The following GALNT18 variants were observed in gnomAD, a reference collection of about 807,000 sequenced individuals.
GALNT18 encodes the protein polypeptide N-acetylgalactosaminyltransferase 18.
GALNT18 carries 44 observed loss-of-function variants against 69.5 expected under a neutral mutation model. The ratio of observed to expected loss-of-function variants is 0.63; its 90% confidence interval spans 0.50 to 0.81. GALNT18 has a LOEUF of 0.81. Ranked by LOEUF, GALNT18 falls within the 40% of genes least tolerant of loss-of-function variation. The probability of loss-of-function intolerance (pLI) is 0.00; values close to 1 mark genes in which losing one functional copy is unlikely to be tolerated. For synonymous variants in GALNT18, 364 were observed against 318.2 expected, an observed-to-expected ratio of 1.14 and a Z score of -1.53; for missense variants, 715 against 810.0, an observed-to-expected ratio of 0.88 and a Z score of 1.42.
intron 1 of GALNT18, among the ~76,000 whole-genome samples, chr11:11,525,717 C>T (rs1221468338): frequency 6.7e-6 from 1 of 150,250 alleles, no homozygotes; most frequent in Admixed American, 6.7e-5. Context: ...TCACCACAAC[C>T]TCCACCTGCT....
rs989861430 is a variant in GALNT18 at position 11,314,987 on chromosome 11, A to T, written c.1512+12099T>A. 1.3e-5 allele frequency among the ~76,000 whole-genome samples: 2 copies of T among 152,110 alleles called. No homozygotes were observed. The highest frequency in any genetic ancestry group is 4.8e-5 in the African/African-American group (2 of 41,420). On this transcript the variant is annotated intron_variant, in intron 9 of 10. Transcript: ENST00000227756. The surrounding 1 kb of genome is among the most constrained non-coding windows in gnomAD (Gnocchi z 5.2). The stretch of plus-strand genomic sequence containing the variant: ...GCTGGCAAGGTGGTTTTAAGATTAC[A>T]TCAACTGACATACTGAAAGTGTCTA...
intron 9 of GALNT18, among the ~76,000 whole-genome samples, chr11:11,325,214 A>G (rs1332476416): frequency 2.0e-5 from 3 of 152,258 alleles, no homozygotes; most frequent in Non-Finnish European, 4.4e-5. Context: ...AGTAACTTGG[A>G]TGAAGCTGGA....
rs867254002 is a variant in GALNT18 at position 11,398,184 on chromosome 11, G to C, written c.596-18920C>G. On this transcript the variant is annotated intron_variant, in intron 3 of 10. Transcript: ENST00000227756. ...ATTGCACACTTAATAAGTAGCAGAG[G>C]CTTGATTCAAATCTGTATATGTCTT... Among the ~76,000 whole-genome samples, 7 of 152,296 alleles carry C rather than the reference G, an allele frequency of 4.6e-5. No individual in the cohort carries two copies. The South Asian group carries it at 1.2e-3, about 27-fold the overall frequency.
chr11:11,289,432 C>T (rs1014086022), intron 10 of GALNT18, among the ~76,000 whole-genome samples: 4 of 152,200 alleles, frequency 2.6e-5, no homozygotes, highest in Non-Finnish European at 4.4e-5. Flanking sequence ...GAGCCTTGTG[C>T]CACAGATGCC....
Position 11,540,015 on chromosome 11 carries a change from C to G in GALNT18, c.235+81344G>C, listed in dbSNP as rs946214244. Among the ~76,000 whole-genome samples, 2 of 152,222 alleles carry G rather than the reference C, an allele frequency of 1.3e-5. No individual in the cohort carries two copies. Among genetic ancestry groups the G allele is most frequent in the African/African-American group, 2.4e-5 (1 of 41,452 alleles). The stretch of plus-strand genomic sequence containing the variant: ...GGAAATGAGGGGAGACGGAGCTGCA[C>G]AGGGGACCCCGATGCCAGTCCGGCA... On this transcript the variant is annotated intron_variant, in intron 1 of 10. Coordinates refer to ENST00000227756, the MANE Select transcript of GALNT18 (RefSeq NM_198516.3). The surrounding 1 kb of genome is among the most constrained non-coding windows in gnomAD (Gnocchi z 4.6).
chr11:11,321,093 C>A (rs567959894), intron 9 of GALNT18, among the ~76,000 whole-genome samples: 1 of 152,310 alleles, frequency 6.6e-6, no homozygotes, highest in Middle Eastern at 3.4e-3. Flanking sequence ...TCCCAGCATT[C>A]CTGGCAAGCA....
rs1184907319 is a variant in GALNT18, at chr11:11,538,971, G to A, written c.235+82388C>T. On this transcript the variant is annotated intron_variant, in intron 1 of 10. Transcript: ENST00000227756. The surrounding 1 kb of genome is among the most constrained non-coding windows in gnomAD (Gnocchi z 5.2). ...GGCCTCCCTTTTCACTCAGTCCCAG[G>A]ATGTGGGCATATCCAGAGCAGGGAC... 3.9e-5 allele frequency among the ~76,000 whole-genome samples: 6 copies of A among 152,194 alleles called. No homozygotes were observed. The East Asian group carries it at 1.2e-3, about 29-fold the overall frequency.
At chr11:11,551,085 CAAAA>C (rs36037822) in intron 1 of GALNT18, among the ~76,000 whole-genome samples, 14 of 117,520 alleles carry the variant, frequency 1.2e-4, no homozygotes, top group Non-Finnish European at 1.7e-4. Context: ...TATACGGTAC[CAAAA>C]AAAAAAAAAA....
At chr11:11,409,992 C>T (rs1417779559) in intron 3 of GALNT18, among the ~76,000 whole-genome samples, 1 of 152,222 alleles carries the variant, frequency 6.6e-6, no homozygotes, top group South Asian at 2.1e-4. Context: ...TTACGCCCTG[C>T]AGCACTATCA....
intron 5 of GALNT18, among the ~76,000 whole-genome samples, chr11:11,374,526 G>A (rs560219851): frequency 4.6e-5 from 7 of 152,306 alleles, no homozygotes; most frequent in Admixed American, 2.6e-4. Context: ...GGCAGGGCAC[G>A]CTGGAAAAAT....
chr11:11,448,690 AC>A, intron 2 of GALNT18, 53 bp downstream of exon 2: 1 of 1,474,484 alleles, frequency 6.8e-7, no homozygotes, highest in Admixed American at 1.9e-5. Flanking sequence ...CACTCTGGGG[AC>A]CCCATCTCCC....
chr11:11,446,419 C>T (rs1444044234), intron 2 of GALNT18, among the ~76,000 whole-genome samples: 2 of 152,114 alleles, frequency 1.3e-5, no homozygotes, highest in Non-Finnish European at 2.9e-5. Context: ...GTCCATGGCT[C>T]TTCTTCTGGC....
In GALNT18 at chr11:11,496,880, G is replaced by A. The variant is rs900394470; in HGVS notation, c.236-47944C>T. On this transcript the variant is annotated intron_variant, in intron 1 of 10. Coordinates refer to ENST00000227756, the MANE Select transcript of GALNT18 (RefSeq NM_198516.3). The surrounding 1 kb of genome is among the most constrained non-coding windows in gnomAD (Gnocchi z 4.0). ...CCACCCATCAACCACAGTAACCAGA[G>A]TGAACTTCTAGAAACACAAATCAGA... 6.6e-6 allele frequency among the ~76,000 whole-genome samples: 1 copy of A among 152,150 alleles called. No individual in the cohort carries two copies. Among genetic ancestry groups the A allele is most frequent in the Non-Finnish European group, 1.5e-5 (1 of 68,034 alleles).
At position 11,299,589 on chromosome 11, in the gene GALNT18, T is replaced by C. The variant is rs549661778; in HGVS notation, c.1513-6396A>G. Among the ~76,000 whole-genome samples, 27 of 152,366 alleles carry C rather than the reference T, an allele frequency of 1.8e-4. No homozygotes were observed. In the South Asian group the frequency reaches 5.6e-3, roughly 32 times the overall value. ...CATAGGATGTTTGGTTTTCCATTCCTGAGTTACTTCATTTAGAATGGCCTG... is the reference window on the plus strand; with the variant it reads ...CATAGGATGTTTGGTTTTCCATTCCCGAGTTACTTCATTTAGAATGGCCTG... On this transcript the variant is annotated intron_variant, in intron 9 of 10. Transcript: ENST00000227756.
chr11:11,598,942 T>G lies in GALNT18; in HGVS notation c.235+22417A>C. On this transcript the variant is annotated intron_variant, in intron 1 of 10. Coordinates refer to ENST00000227756, the MANE Select transcript of GALNT18 (RefSeq NM_198516.3). The surrounding 1 kb of genome is among the most constrained non-coding windows in gnomAD (Gnocchi z 4.8). ...AATTACATTTCACGTGGCCAGAGAA[T>G]GTACTTTGTTCATTTTAAAGGATGA... 6.6e-6 allele frequency among the ~76,000 whole-genome samples: 1 copy of G among 152,188 alleles called. No individual in the cohort carries two copies.
intron 2 of GALNT18, among the ~76,000 whole-genome samples, chr11:11,447,407 T>C (rs951588002): frequency 1.3e-5 from 2 of 152,214 alleles, no homozygotes; most frequent in Non-Finnish European, 2.9e-5. Flanking sequence ...ACATACTGCA[T>C]ATTTGACTTC....
chr11:11,521,752 C>A (rs1283398711), intron 1 of GALNT18, among the ~76,000 whole-genome samples: 1 of 152,068 alleles, frequency 6.6e-6, no homozygotes. Flanking sequence ...GTGAAGGGAA[C>A]GGAGGTGACT....
chr11:11,449,414 G>C (rs1855741048), intron 1 of GALNT18, among the ~76,000 whole-genome samples: 3 of 152,192 alleles, frequency 2.0e-5, no homozygotes, highest in South Asian at 4.1e-4. Context: ...CCTCTTCACT[G>C]TCTGGTCCTC....
At chr11:11,489,958 C>T (rs556460189) in intron 1 of GALNT18, among the ~76,000 whole-genome samples, 1 of 152,154 alleles carries the variant, frequency 6.6e-6, no homozygotes, top group Admixed American at 6.5e-5. Context: ...TACTGCCTCA[C>T]AACATGGCTG....
Sources: allele counts gnomAD v4.1 joint callset (sites outside exome capture counted in the v4.1 genomes callset), GRCh38; gene constraint gnomAD v4.1.1; non-coding constraint Gnocchi (gnomAD v3.1); transcripts MANE v1.5; gene names NCBI Gene and HGNC (gene_info 2026-07-23, HGNC 2026-07-21).